ANK3: variants seen among roughly 807,000 people sequenced by gnomAD.
ANK3 encodes ankyrin 3, also known as ankyrin-3.
A neutral mutation model predicts 370.9 loss-of-function variants in ANK3; 57 were observed. That is an observed-to-expected ratio of 0.15 (90% CI 0.12 to 0.19). The LOEUF (loss-of-function observed/expected upper bound fraction) is 0.19, where lower values mean the gene tolerates loss of function less well. ANK3 is among the 10% of genes least tolerant of loss of function. The probability of loss-of-function intolerance (pLI) is 1.00; values close to 1 mark genes in which losing one functional copy is unlikely to be tolerated. For synonymous variants in ANK3, 1,929 were observed against 1,946.3 expected (o/e 0.99, Z 0.23); for missense variants, 4,439 against 5,302.1 (o/e 0.84, Z 5.06).
At chr10:60,712,909 AT>A (rs796085818) in intron 1 of ANK3, among the ~76,000 whole-genome samples, 18 of 152,348 alleles carry the variant, frequency 1.2e-4, no homozygotes, top group African/African-American at 4.3e-4. Flanking sequence ...CTAAGAAGAC[AT>A]AACTATTAAT....
intron 1 of ANK3, among the ~76,000 whole-genome samples, chr10:60,289,192 G>C (rs2040742431): frequency 6.6e-6 from 1 of 151,376 alleles, no homozygotes. Context: ...ACAAGATTAA[G>C]ATCTCAAGGC....
intron 7 of ANK3, among the ~76,000 whole-genome samples, chr10:60,246,255 CAAAAAAAAAAAA>C (rs869144298): frequency 4.3e-5 from 4 of 92,676 alleles, no homozygotes; most frequent in African/African-American, 9.4e-5. Context: ...AACCCTGTAT[CAAAAAAAAAAAA>C]AAAAAAAAAA....
intron 1 of ANK3, among the ~76,000 whole-genome samples, chr10:60,366,494 C>T (rs1480384406): frequency 1.3e-5 from 2 of 152,138 alleles, no homozygotes; most frequent in Non-Finnish European, 2.9e-5. Flanking sequence ...AGGCTTAGAC[C>T]TTTCTTTCCT....
intron 2 of ANK3, among the ~76,000 whole-genome samples, chr10:60,462,567 A>C (rs1318075415): frequency 6.7e-6 from 1 of 149,140 alleles, no homozygotes; most frequent in Non-Finnish European, 1.5e-5. Context: ...ATGTGATCAG[A>C]TCAACAAAAA....
intron 1 of ANK3, among the ~76,000 whole-genome samples, chr10:60,632,300 A>G (rs1224949778): frequency 6.6e-6 from 1 of 152,180 alleles, no homozygotes; most frequent in Non-Finnish European, 1.5e-5. Flanking sequence ...AATCTCTTCT[A>G]ATTTACTTAT....
rs531458090 is a variant in ANK3 at position 60,644,293 on chromosome 10, T to C, written c.58-29069A>G. On this transcript the variant is annotated intron_variant, in intron 1 of 43. Coordinates refer to the ANK3 transcript ENST00000373827. ...CATAGCATCTGCCCAAACCAATAAA[T>C]ATACAAGGTAGATTCCACTAATTAT... 4.6e-5 allele frequency among the ~76,000 whole-genome samples: 7 copies of C among 152,230 alleles called. No homozygotes were observed. The East Asian group carries it at 1.4e-3, about 29-fold the overall frequency.
At chr10:60,519,590 G>A (rs2076302006) in intron 2 of ANK3, among the ~76,000 whole-genome samples, 1 of 152,096 alleles carries the variant, frequency 6.6e-6, no homozygotes, top group South Asian at 2.1e-4. Context: ...TATTGGAGAA[G>A]ACAAGTGCTT....
intron 2 of ANK3, among the ~76,000 whole-genome samples, chr10:60,482,560 T>C (rs994826518): frequency 1.3e-5 from 2 of 152,154 alleles, no homozygotes; most frequent in Non-Finnish European, 1.5e-5. Flanking sequence ...GATCACAGCT[T>C]ACTGCAACCT....
intron 2 of ANK3, among the ~76,000 whole-genome samples, chr10:60,473,534 C>T (rs891669329): frequency 1.4e-4 from 21 of 152,014 alleles, no homozygotes; most frequent in African/African-American, 5.1e-4. Flanking sequence ...AAATGTGATC[C>T]TATCATGAAG....
intron 2 of ANK3, among the ~76,000 whole-genome samples, chr10:60,470,656 TA>T (rs2065195104): frequency 6.6e-6 from 1 of 151,928 alleles, no homozygotes. Context: ...TTGACTTTGG[TA>T]ACAATACCCA....
At chr10:60,165,938 T>A (rs1176500075) in intron 23 of ANK3, among the ~76,000 whole-genome samples, 1 of 152,196 alleles carries the variant, frequency 6.6e-6, no homozygotes, top group African/African-American at 2.4e-5. Flanking sequence ...TGTTTTCCAA[T>A]GGACCTTTTA....
Position 60,469,803 on chromosome 10 carries a change from A to G in ANK3, c.96+145383T>C, listed in dbSNP as rs181871089. Among the ~76,000 whole-genome samples the G allele has an allele frequency of 9.4e-3, 1,421 of 150,972 alleles. 11 individuals carry two copies. The highest frequency in any genetic ancestry group is 0.015 in the Non-Finnish European group (1,049 of 67,768). ...AACATTAAAGACTGGCTATCAACACATTATCAATTAGTCACATCCTTTCAT... is the reference window on the plus strand; with the variant it reads ...AACATTAAAGACTGGCTATCAACACGTTATCAATTAGTCACATCCTTTCAT... On this transcript the variant is annotated intron_variant, in intron 2 of 43. Coordinates refer to the ANK3 transcript ENST00000373827.
intron 7 of ANK3, among the ~76,000 whole-genome samples, chr10:60,240,306 A>ATATTTTT (rs11282162): frequency 0.12 from 13,921 of 119,622 alleles, 1,443 homozygotes; most frequent in East Asian, 0.17. Context: ...ATATATATAT[A>ATATTTTT]TTTTTTTTTC....
chr10:60,448,230 T>C (rs1357494769), intron 2 of ANK3, among the ~76,000 whole-genome samples: 1 of 152,202 alleles, frequency 6.6e-6, no homozygotes, highest in African/African-American at 2.4e-5. Context: ...AGATTCATTA[T>C]TATTTCTGGG....
chr10:60,278,839 C>A lies in ANK3; in HGVS notation c.349G>T (p.Ala117Ser), dbSNP rs934937244. The A allele has an allele frequency of 6.2e-7, 1 of 1,613,896 alleles. No homozygotes were observed. The highest frequency in any genetic ancestry group is 8.5e-7 in the Non-Finnish European group (1 of 1,179,936). Reference protein sequence around the residue: ...GNTALHIASLAGQAEVVKVLV... With the variant: ...GNTALHIASLSGQAEVVKVLV... The stretch of plus-strand genomic sequence containing the variant: ...ACTTTTACCACCTCTGCTTGCCCAG[C>A]CAAAGATGCGATGTGCAATGCTGTG... The change falls in exon 4 of 44, where the codon GCT becomes TCT. Residue 117 changes from alanine (A) to serine (S), a missense_variant. Physicochemically the swap from Ala to Ser is moderately conservative, Grantham distance 99. Coordinates refer to ENST00000280772, the MANE Select transcript of ANK3 (RefSeq NM_020987.5).
rs2096617384 is a variant in ANK3 at position 60,198,190 on chromosome 10, C to T, written c.1689+150G>A. The T allele has an allele frequency of 5.2e-6, 4 of 768,680 alleles. No individual in the cohort carries two copies. The African/African-American group carries it at 5.3e-5, about 10-fold the overall frequency. The allele number at this position is 768,680 out of a possible 1,614,324, so 47.6% of individuals were successfully genotyped here. The stretch of plus-strand genomic sequence containing the variant: ...AAATACTACCAGTTACCCTCTCCCA[C>T]CACAGAGCTTTGCTGGCCATATTAA... On this transcript the variant is annotated intron_variant, in intron 14 of 43. Coordinates refer to ENST00000280772, the MANE Select transcript of ANK3 (RefSeq NM_020987.5).
chr10:60,132,222 C>T (rs920185229), intron 25 of ANK3, among the ~76,000 whole-genome samples: 32 of 152,088 alleles, frequency 2.1e-4, no homozygotes, highest in African/African-American at 7.5e-4. Context: ...GTGCTAATAC[C>T]CATTTAAAAC....
At position 60,292,950 on chromosome 10, in the gene ANK3, C is replaced by T. The variant is rs538943337; in HGVS notation, c.115-13311G>A. On this transcript the variant is annotated intron_variant, in intron 1 of 43. Transcript: ENST00000280772. ...CTCAAAACTCCTGACCTCAGGTGAT[C>T]CACCTGCCTTGGCCTCCCAAAGTGC... 9.2e-5 allele frequency among the ~76,000 whole-genome samples: 14 copies of T among 152,286 alleles called. No individual in the cohort carries two copies. The South Asian group carries it at 2.9e-3, about 32-fold the overall frequency.
intron 1 of ANK3, among the ~76,000 whole-genome samples, chr10:60,357,175 C>T (rs1028800414): frequency 6.6e-6 from 1 of 152,170 alleles, no homozygotes; most frequent in Non-Finnish European, 1.5e-5. Context: ...AGGCTCTGGC[C>T]TCTTACATCC....
Sources: gnomAD v4.1 joint callset for allele counts (sites outside exome capture counted in the v4.1 genomes callset) on GRCh38, gnomAD v4.1.1 for gene constraint, MANE v1.5 for transcripts, NCBI Gene and HGNC (gene_info 2026-07-23, HGNC 2026-07-21) for gene names.